B3GALT1: variants seen among roughly 807,000 people sequenced by gnomAD.
The protein encoded by B3GALT1 is UDP-Gal:betaGlcNAc beta 1,3-galactosyltransferase, polypeptide 1.
B3GALT1 carries 10 observed loss-of-function variants against 23.2 expected under a neutral mutation model. The observed-to-expected ratio is 0.43, with a 90% confidence interval of 0.27 to 0.73. The LOEUF (loss-of-function observed/expected upper bound fraction) is 0.73. Ranked by LOEUF, B3GALT1 falls within the 30% of genes least tolerant of loss-of-function variation. The pLI, the probability that B3GALT1 is intolerant of heterozygous loss-of-function variation, is 0.21. For missense variants in B3GALT1, 299 were observed against 405.4 expected, an observed-to-expected ratio of 0.74 and a Z score of 2.25; for synonymous variants, 156 against 141.5, an observed-to-expected ratio of 1.10 and a Z score of -0.73.
At chr2:167,481,208 T>G (rs966118805) in intron 1 of B3GALT1, among the ~76,000 whole-genome samples, 1 of 128,462 alleles carries the variant, frequency 7.8e-6, no homozygotes, top group African/African-American at 3.0e-5. Context: ...TTTTTGCTGC[T>G]TATATATGGT....
intron 2 of B3GALT1, among the ~76,000 whole-genome samples, chr2:167,546,502 A>G (rs1479106154): frequency 6.6e-6 from 1 of 152,142 alleles, no homozygotes; most frequent in African/African-American, 2.4e-5. Flanking sequence ...CCTGAGGCAA[A>G]CAAAGGTACT....
intron 2 of B3GALT1, among the ~76,000 whole-genome samples, chr2:167,592,738 C>A (rs1192822945): frequency 1.3e-5 from 2 of 152,114 alleles, no homozygotes; most frequent in South Asian, 2.1e-4. Context: ...ACCCTGGTTT[C>A]TGGCTCTAGA....
chr2:167,696,967 G>A (rs1330146012), intron 3 of B3GALT1, among the ~76,000 whole-genome samples: 2 of 152,094 alleles, frequency 1.3e-5, no homozygotes, highest in Admixed American at 1.3e-4. Context: ...AATCAGTGAA[G>A]GCACATAAAT....
At chr2:167,590,925 A>T (rs571820825) in intron 2 of B3GALT1, among the ~76,000 whole-genome samples, 6 of 152,322 alleles carry the variant, frequency 3.9e-5, no homozygotes, top group African/African-American at 1.4e-4. Context: ...ACTACATTCC[A>T]TAACCTGCTG....
intron 2 of B3GALT1, among the ~76,000 whole-genome samples, chr2:167,642,913 G>T (rs1685681755): frequency 6.6e-6 from 1 of 152,044 alleles, no homozygotes; most frequent in South Asian, 2.1e-4. Context: ...CTATTAATGT[G>T]TAAAATGTAT....
At chr2:167,353,913 G>A (rs1697359649) in intron 1 of B3GALT1, among the ~76,000 whole-genome samples, 1 of 152,024 alleles carries the variant, frequency 6.6e-6, no homozygotes, top group South Asian at 2.1e-4. Context: ...GGTAATAAAG[G>A]GTGATATAAA....
At chr2:167,788,276 G>A (rs1688375859) in intron 3 of B3GALT1, among the ~76,000 whole-genome samples, 1 of 151,726 alleles carries the variant, frequency 6.6e-6, no homozygotes, top group Non-Finnish European at 1.5e-5. Flanking sequence ...GGAAGTGGGT[G>A]GGGGCGGGGG....
intron 1 of B3GALT1, among the ~76,000 whole-genome samples, chr2:167,312,830 T>A (rs1696653221): frequency 6.6e-6 from 1 of 152,110 alleles, no homozygotes; most frequent in Non-Finnish European, 1.5e-5. Context: ...TAGGCATGGC[T>A]AGTTGTACCA....
At chr2:167,692,399 T>C (rs1574215848) in intron 3 of B3GALT1, among the ~76,000 whole-genome samples, 1 of 152,206 alleles carries the variant, frequency 6.6e-6, no homozygotes, top group East Asian at 1.9e-4. Context: ...ATTTGCGTAA[T>C]CATGTACTTA....
intron 3 of B3GALT1, chr2:167,713,529 C>G (rs1687094517): frequency 1.6e-6 from 1 of 639,178 alleles, no homozygotes; most frequent in African/African-American, 1.8e-5. Context: ...TTACAAAATA[C>G]TGTCCTGAGA....
chr2:167,526,606 G>A (rs1204779612), intron 2 of B3GALT1, among the ~76,000 whole-genome samples: 4 of 152,214 alleles, frequency 2.6e-5, no homozygotes, highest in Non-Finnish European at 5.9e-5. Flanking sequence ...TGCACAATTT[G>A]TGTATGTGTG....
chr2:167,640,240 C>T (rs1479248053), intron 2 of B3GALT1, among the ~76,000 whole-genome samples: 1 of 152,078 alleles, frequency 6.6e-6, no homozygotes, highest in Non-Finnish European at 1.5e-5. Context: ...AGGCTGTCAC[C>T]TCAACTATTG....
At chr2:167,469,264 A>G (rs1214617109) in intron 1 of B3GALT1, among the ~76,000 whole-genome samples, 2 of 152,190 alleles carry the variant, frequency 1.3e-5, no homozygotes, top group African/African-American at 2.4e-5. Context: ...TGGGAATCTT[A>G]CTTATTAATC....
At chr2:167,556,735 G>C (rs1432623134) in intron 2 of B3GALT1, among the ~76,000 whole-genome samples, 1 of 152,138 alleles carries the variant, frequency 6.6e-6, no homozygotes, top group African/African-American at 2.4e-5. Context: ...ATTGGAAAAT[G>C]TTCGTTCACT....
chr2:167,590,345 CAAAAAA>C (rs397873377), intron 2 of B3GALT1, among the ~76,000 whole-genome samples: 1 of 78,304 alleles, frequency 1.3e-5, no homozygotes. Flanking sequence ...GACTCTGTCT[CAAAAAA>C]AAAAAAAAAA....
At chr2:167,778,396 A>C (rs555545403) in intron 3 of B3GALT1, among the ~76,000 whole-genome samples, 14 of 151,848 alleles carry the variant, frequency 9.2e-5, no homozygotes, top group Middle Eastern at 3.4e-3. Flanking sequence ...TATCTTTTTT[A>C]ATTTTTAATT....
chr2:167,383,070 T>A (rs1366514858), intron 1 of B3GALT1, among the ~76,000 whole-genome samples: 1 of 152,156 alleles, frequency 6.6e-6, no homozygotes, highest in East Asian at 1.9e-4. Context: ...CCTGACTTGA[T>A]CACTACACAT....
chr2:167,836,849 C>A (rs1367733700), intron 4 of B3GALT1, among the ~76,000 whole-genome samples: 2 of 152,164 alleles, frequency 1.3e-5, no homozygotes, highest in African/African-American at 4.8e-5. Flanking sequence ...CTCTACAAGC[C>A]AGAAGAGAGT....
rs188072948 is a variant in B3GALT1 at position 167,544,402 on chromosome 2, C to A, written c.-410+54125C>A. Among the ~76,000 whole-genome samples the A allele has an allele frequency of 3.9e-3, 590 of 152,268 alleles. 2 individuals are homozygous for A. The highest frequency in any genetic ancestry group is 0.014 in the African/African-American group (567 of 41,558). The stretch of plus-strand genomic sequence containing the variant: ...CTCCACCTCCTGGGTTCAAGCAATT[C>A]TCCCACCTCAGCCTCCCAAGTAGCT... On this transcript the variant is annotated intron_variant, in intron 2 of 4. Transcript: ENST00000392690.
Sources: allele counts gnomAD v4.1 joint callset (sites outside exome capture counted in the v4.1 genomes callset), GRCh38; gene constraint gnomAD v4.1.1; transcripts MANE v1.5; gene names NCBI Gene and HGNC (gene_info 2026-07-23, HGNC 2026-07-21).